The following PCDHGB3 variants were observed in gnomAD, a reference collection of about 807,000 sequenced individuals.
PCDHGB3 encodes protocadherin gamma subfamily B, 3.
PCDHGB3 carries 40 observed loss-of-function variants against 59.2 expected under a neutral mutation model. The ratio of observed to expected loss-of-function variants is 0.68; its 90% confidence interval spans 0.52 to 0.88. The LOEUF (loss-of-function observed/expected upper bound fraction) is 0.88, where lower values mean the gene tolerates loss of function less well. Among genes scored for constraint, PCDHGB3 ranks in the 40% least tolerant of loss-of-function variants. The probability of loss-of-function intolerance (pLI) is 0.00; values close to 1 mark genes in which losing one functional copy is unlikely to be tolerated. For synonymous variants in PCDHGB3, 581 were observed against 503.6 expected, an observed-to-expected ratio of 1.15 and a Z score of -2.06; for missense variants, 1,309 against 1,187.9, an observed-to-expected ratio of 1.10 and a Z score of -1.50.
At position 141,455,354 on chromosome 5, in the gene PCDHGB3, T is replaced by C. The variant is rs185319743; in HGVS notation, c.2416-39453T>C. ...TGGTTTTAAGGAGCGGAGAGTTTAA[T>C]AGGCAAGAAGGAAGGGAGAAGACAG... On this transcript the variant is annotated intron_variant, in intron 1 of 3. Coordinates refer to ENST00000576222, the MANE Select transcript of PCDHGB3 (RefSeq NM_018924.5). Among the ~76,000 whole-genome samples the C allele has an allele frequency of 1.7e-3, 263 of 152,180 alleles. 2 individuals are homozygous for C. The highest frequency in any genetic ancestry group is 3.0e-3 in the Non-Finnish European group (207 of 68,010).
intron 1 of PCDHGB3, chr5:141,403,027 G>C: frequency 1.2e-6 from 2 of 1,614,070 alleles, no homozygotes; most frequent in Non-Finnish European, 1.7e-6. Flanking sequence ...TGCTATGGGA[G>C]GCCAGGGCCA....
chr5:141,428,050 T>C (rs1222417053), intron 1 of PCDHGB3: 1 of 1,608,844 alleles, frequency 6.2e-7, no homozygotes, highest in Non-Finnish European at 8.5e-7. Flanking sequence ...GTGACCAAGG[T>C]GGTGGCGGTG....
intron 1 of PCDHGB3, among the ~76,000 whole-genome samples, chr5:141,450,485 T>A (rs1382219564): frequency 6.6e-6 from 1 of 152,160 alleles, no homozygotes; most frequent in Non-Finnish European, 1.5e-5. Flanking sequence ...GTTTGTTTGT[T>A]TGTCTGTTTG....
In PCDHGB3 at chr5:141,477,625, C is replaced by T; in HGVS notation, c.2416-17182C>T. ...TTCTCTTGGAGCAAGGAGCTGAAACCGGGCTAGTGGGTCGCTATTTCACAA... is the reference window on the plus strand; with the variant it reads ...TTCTCTTGGAGCAAGGAGCTGAAACTGGGCTAGTGGGTCGCTATTTCACAA... On this transcript the variant is annotated intron_variant, in intron 1 of 3. Coordinates refer to ENST00000576222, the MANE Select transcript of PCDHGB3 (RefSeq NM_018924.5). This position sits in a 1 kb window ranked among gnomAD's most constrained non-coding sequence, Gnocchi z 4.9. The T allele has an allele frequency of 1.2e-6, 2 of 1,614,200 alleles. No homozygotes were observed. Among genetic ancestry groups the T allele is most frequent in the Non-Finnish European group, 1.7e-6 (2 of 1,180,046 alleles).
chr5:141,503,598 CAAAA>C (rs765754054), intron 2 of PCDHGB3, among the ~76,000 whole-genome samples: 2 of 65,756 alleles, frequency 3.0e-5, no homozygotes. Flanking sequence ...GACTCCAGCT[CAAAA>C]AAAAAAAAAA....
intron 1 of PCDHGB3, chr5:141,390,248 A>G (rs778353032): frequency 2.5e-6 from 4 of 1,613,850 alleles, no homozygotes; most frequent in East Asian, 2.2e-5. Context: ...CCTTATTTCC[A>G]CTTTGTAATT....
chr5:141,410,086 G>C (rs759204005), intron 1 of PCDHGB3: 1 of 1,612,588 alleles, frequency 6.2e-7, no homozygotes, highest in Non-Finnish European at 8.5e-7. Flanking sequence ...AGGTGCGCAC[G>C]GCTCGAGCCT....
At chr5:141,409,398 A>C in intron 1 of PCDHGB3, 1 of 1,614,050 alleles carries the variant, frequency 6.2e-7, no homozygotes, top group Non-Finnish European at 8.5e-7. Flanking sequence ...TCTTCTTCCA[A>C]TAACTACTAC....
chr5:141,469,394 G>A lies in PCDHGB3; in HGVS notation c.2416-25413G>A, dbSNP rs550152670. Among the ~76,000 whole-genome samples the A allele has an allele frequency of 2.5e-4, 38 of 152,198 alleles. 1 individual carries two copies. The highest frequency in any genetic ancestry group is 8.4e-4 in the African/African-American group (35 of 41,514). On this transcript the variant is annotated intron_variant, in intron 1 of 3. Coordinates refer to ENST00000576222, the MANE Select transcript of PCDHGB3 (RefSeq NM_018924.5). ...GATCGAGACCATCCTGGCCAACATG[G>A]TGAAACCCCGTTTCTACTAAAAATA...
chr5:141,460,983 G>GTGTATA (rs1554142949), intron 1 of PCDHGB3, among the ~76,000 whole-genome samples: 24 of 137,844 alleles, frequency 1.7e-4, no homozygotes, highest in African/African-American at 5.4e-4. Context: ...GTGTGTGTGT[G>GTGTATA]TATATATATA....
chr5:141,414,283 G>A, intron 1 of PCDHGB3: 1 of 1,613,520 alleles, frequency 6.2e-7, no homozygotes, highest in South Asian at 1.1e-5. Flanking sequence ...GGGAACAGTC[G>A]TAGCCCTTTT....
At chr5:141,428,185 G>T (rs775261215) in intron 1 of PCDHGB3, 286 of 1,446,232 alleles carry the variant, frequency 2.0e-4, no homozygotes, top group Non-Finnish European at 2.5e-4. Context: ...GAGGACAGCC[G>T]CCGCTCTCTG....
intron 1 of PCDHGB3, among the ~76,000 whole-genome samples, chr5:141,426,115 G>A (rs574477590): frequency 4.6e-5 from 7 of 152,364 alleles, no homozygotes; most frequent in South Asian, 2.1e-4. Flanking sequence ...GAAGCAAGTC[G>A]GAGAGTGGCC....
At chr5:141,456,336 G>A (rs2098850873) in intron 1 of PCDHGB3, among the ~76,000 whole-genome samples, 1 of 152,242 alleles carries the variant, frequency 6.6e-6, no homozygotes, top group Non-Finnish European at 1.5e-5. Context: ...TGATCTAAGG[G>A]TCCTCGGAAG....
intron 1 of PCDHGB3, chr5:141,395,256 T>G: frequency 6.4e-7 from 1 of 1,554,392 alleles, no homozygotes; most frequent in East Asian, 2.3e-5. Flanking sequence ...AGTTCTTTGC[T>G]TGCTTTTAAT....
chr5:141,469,395 T>G lies in PCDHGB3; in HGVS notation c.2416-25412T>G, dbSNP rs1332746609. ...ATCGAGACCATCCTGGCCAACATGG[T>G]GAAACCCCGTTTCTACTAAAAATAT... On this transcript the variant is annotated intron_variant, in intron 1 of 3. Transcript: ENST00000576222. Among the ~76,000 whole-genome samples, 6 of 152,194 alleles carry G rather than the reference T, an allele frequency of 3.9e-5. No homozygotes were observed. The East Asian group carries it at 1.2e-3, about 29-fold the overall frequency.
intron 1 of PCDHGB3, among the ~76,000 whole-genome samples, chr5:141,460,070 T>C (rs547558436): frequency 2.0e-5 from 3 of 152,202 alleles, no homozygotes; most frequent in South Asian, 2.1e-4. Flanking sequence ...AGAGTGAGAC[T>C]TCATCTAAAA....
chr5:141,490,106 T>C lies in PCDHGB3; in HGVS notation c.2416-4701T>C, dbSNP rs1314489019. On this transcript the variant is annotated intron_variant, in intron 1 of 3. Coordinates refer to ENST00000576222, the MANE Select transcript of PCDHGB3 (RefSeq NM_018924.5). The surrounding 1 kb of genome is among the most constrained non-coding windows in gnomAD (Gnocchi z 5.4). ...TTTGGAGACCACACATCTGAGGCAG[T>C]GCGGAACCTCTTTGGCCTAGACCCT... 2.5e-6 allele frequency: 4 copies of C among 1,614,246 alleles called. No homozygotes were observed. Among genetic ancestry groups the C allele is most frequent in the South Asian group, 1.1e-5 (1 of 91,086 alleles).
chr5:141,475,116 C>G (rs1383017919), intron 1 of PCDHGB3, among the ~76,000 whole-genome samples: 2 of 152,128 alleles, frequency 1.3e-5, no homozygotes, highest in African/African-American at 4.8e-5. Context: ...GTAAATAGGC[C>G]TGGCTTTTTT....
Sources: allele counts gnomAD v4.1 joint callset (sites outside exome capture counted in the v4.1 genomes callset), GRCh38; gene constraint gnomAD v4.1.1; non-coding constraint Gnocchi (gnomAD v3.1); transcripts MANE v1.5; gene names NCBI Gene and HGNC (gene_info 2026-07-23, HGNC 2026-07-21).